Variants in PCDHA2 observed in about 807,000 individuals in gnomAD.
PCDHA2 encodes protocadherin alpha-2.
A neutral mutation model predicts 66.0 loss-of-function variants in PCDHA2; 58 were observed. The ratio of observed to expected loss-of-function variants is 0.88; its 90% CI spans 0.71 to 1.09. The LOEUF is 1.09. Ranked by LOEUF, PCDHA2 falls within the 50% of genes least tolerant of loss-of-function variation. PCDHA2 has a pLI of 0.00. For synonymous variants in PCDHA2, 634 were observed against 554.0 expected, an observed-to-expected ratio of 1.14 and a Z score of -2.03; for missense variants, 1,267 against 1,242.3, an observed-to-expected ratio of 1.02 and a Z score of -0.30.
intron 1 of PCDHA2, chr5:140,884,177 C>G (rs1405519238): frequency 1.9e-6 from 3 of 1,613,322 alleles, no homozygotes; most frequent in South Asian, 1.1e-5. Flanking sequence ...GACGCGCCCT[C>G]TGGACGAGGT....
intron 3 of PCDHA2, among the ~76,000 whole-genome samples, chr5:140,991,746 T>C (rs74524919): frequency 0.01 from 1,537 of 152,318 alleles, 24 homozygotes; most frequent in African/African-American, 0.035. Flanking sequence ...GTAGGCTCTT[T>C]CTATCATGCT....
intron 1 of PCDHA2, chr5:140,869,196 C>G (rs2050913789): frequency 6.2e-7 from 1 of 1,614,030 alleles, no homozygotes; most frequent in Non-Finnish European, 8.5e-7. Flanking sequence ...GCGGCCAGCT[C>G]CACTACTCCG....
At chr5:140,877,273 T>C (rs1324679559) in intron 1 of PCDHA2, 2 of 1,613,722 alleles carry the variant, frequency 1.2e-6, no homozygotes, top group Non-Finnish European at 1.7e-6. Context: ...GGACGCTGAC[T>C]CCGGCTATAA....
intron 1 of PCDHA2, chr5:140,968,754 G>A (rs782271569): frequency 1.2e-5 from 19 of 1,614,052 alleles, no homozygotes; most frequent in South Asian, 2.2e-5. Context: ...GTGGTGGTCC[G>A]AGATAATGGA....
At chr5:140,824,561 C>G (rs1768165211) in intron 1 of PCDHA2, 1 of 173,514 alleles carries the variant, frequency 5.8e-6, no homozygotes, top group South Asian at 1.7e-4. Flanking sequence ...AAGTGATCCT[C>G]CTATCTCAGC....
intron 1 of PCDHA2, among the ~76,000 whole-genome samples, chr5:140,873,882 A>G (rs1311106784): frequency 6.6e-6 from 1 of 152,152 alleles, no homozygotes; most frequent in Non-Finnish European, 1.5e-5. Context: ...GCTGGTCTTG[A>G]ACTCCTGACC....
At chr5:140,968,152 C>A (rs782362724) in intron 1 of PCDHA2, 6 of 1,614,054 alleles carry the variant, frequency 3.7e-6, no homozygotes, top group Non-Finnish European at 1.7e-6. Flanking sequence ...TCTCTGACAT[C>A]AATGACAATC....
chr5:140,877,028 C>T (rs367864661), intron 1 of PCDHA2: 1 of 1,612,352 alleles, frequency 6.2e-7, no homozygotes, highest in Non-Finnish European at 8.5e-7. Flanking sequence ...AAGGTGTACG[C>T]GCTGCAGCCG....
In PCDHA2 at chr5:140,843,265, G is replaced by T. The variant is rs2150356257; in HGVS notation, c.2388+45913G>T. ...CGGACTCTCCGCGCCACCGTCTGCT[G>T]GTCCTGGTGAAGGATCATGGTGAAC... On this transcript the variant is annotated intron_variant, in intron 1 of 3. Transcript: ENST00000526136. 33 of 1,595,976 alleles carry T rather than the reference G, an allele frequency of 2.1e-5. 4 individuals are homozygous for T. Among genetic ancestry groups the T allele is most frequent in the Non-Finnish European group, 2.7e-5 (32 of 1,165,590 alleles).
chr5:140,854,118 C>T lies in PCDHA2; in HGVS notation c.2388+56766C>T, dbSNP rs541457983. The T allele has an allele frequency of 1.9e-3, 584 of 313,350 alleles. 14 individuals carry two copies. The highest frequency in any genetic ancestry group is 2.3e-3 in the Non-Finnish European group (544 of 232,056). 19.4% of individuals were successfully genotyped at this position (313,350 alleles called of 1,614,324 possible). A position where few individuals can be genotyped will look rare whatever the true frequency, so the allele number is the denominator to read the frequency against. ...TTGAGGCTGCAGTGAACTGTGATGG[C>T]ACAACTGCATTTCAGCCCGGGTGAC... On this transcript the variant is annotated intron_variant, in intron 1 of 3. Transcript: ENST00000526136.
At chr5:140,889,910 T>C (rs1554184095) in intron 1 of PCDHA2, among the ~76,000 whole-genome samples, 1 of 152,156 alleles carries the variant, frequency 6.6e-6, no homozygotes, top group East Asian at 1.9e-4. Flanking sequence ...GAGATTGTCA[T>C]ACTGTAAAGA....
At chr5:141,005,574 T>C (rs567844252) in intron 3 of PCDHA2, among the ~76,000 whole-genome samples, 58 of 150,842 alleles carry the variant, frequency 3.8e-4, no homozygotes, top group Non-Finnish European at 7.5e-4. Flanking sequence ...TGGTGGCGCG[T>C]GCCTGTAGTC....
intron 1 of PCDHA2, among the ~76,000 whole-genome samples, chr5:140,978,620 G>A (rs2096812690): frequency 6.6e-6 from 1 of 152,220 alleles, no homozygotes; most frequent in South Asian, 2.1e-4. Context: ...AGCAGTGAAA[G>A]CTTTTCCTTT....
intron 1 of PCDHA2, among the ~76,000 whole-genome samples, chr5:140,839,019 G>A (rs1394721397): frequency 6.6e-6 from 1 of 151,970 alleles, no homozygotes; most frequent in African/African-American, 2.4e-5. Flanking sequence ...AATTATTTTA[G>A]GATATGTTAC....
At chr5:140,819,691 G>A (rs1766600381) in intron 1 of PCDHA2, among the ~76,000 whole-genome samples, 1 of 152,062 alleles carries the variant, frequency 6.6e-6, no homozygotes, top group Admixed American at 6.5e-5. Flanking sequence ...ACAAATGCAA[G>A]TGATAATTTA....
chr5:140,875,809 C>T, intron 1 of PCDHA2: 1 of 1,614,146 alleles, frequency 6.2e-7, no homozygotes, highest in Non-Finnish European at 8.5e-7. Flanking sequence ...CGTGGACAGG[C>T]CGCTGCAGGT....
chr5:140,994,786 T>C (rs1219918332), intron 3 of PCDHA2, among the ~76,000 whole-genome samples: 4 of 152,086 alleles, frequency 2.6e-5, no homozygotes, highest in Non-Finnish European at 5.9e-5. Context: ...AAGGAAACAA[T>C]GCGTGCATGC....
chr5:140,955,492 A>G, intron 1 of PCDHA2, among the ~76,000 whole-genome samples: 1 of 152,138 alleles, frequency 6.6e-6, no homozygotes, highest in East Asian at 1.9e-4. Context: ...TCCTGCCACC[A>G]TGTGAAGAAA....
At chr5:140,851,741 G>A in intron 1 of PCDHA2, 1 of 972,212 alleles carries the variant, frequency 1.0e-6, no homozygotes, top group Non-Finnish European at 1.2e-6. Context: ...TTGAAATTCA[G>A]AGTCTGTAAC....
Sources: gnomAD v4.1 joint callset for allele counts (sites outside exome capture counted in the v4.1 genomes callset) on GRCh38, gnomAD v4.1.1 for gene constraint, MANE v1.5 for transcripts, NCBI Gene and HGNC (gene_info 2026-07-23, HGNC 2026-07-21) for gene names.